Variants in RNLS observed in about 807,000 individuals in gnomAD.
The protein encoded by RNLS is renalase.
Under a neutral mutation model 39.8 loss-of-function variants are expected in RNLS, and 39 were observed. The ratio of observed to expected loss-of-function variants is 0.98; its 90% CI spans 0.76 to 1.28. RNLS has a LOEUF of 1.28. Among genes scored for constraint, RNLS ranks in the 50% most tolerant of loss-of-function variants. The probability of loss-of-function intolerance (pLI) is 0.00; values close to 1 mark genes in which losing one functional copy is unlikely to be tolerated. For missense variants in RNLS, 410 were observed against 413.3 expected, an observed-to-expected ratio of 0.99 and a Z score of 0.07; for synonymous variants, 147 against 150.7, an observed-to-expected ratio of 0.98 and a Z score of 0.18.
chr10:88,500,343 T>G (rs1330452350), intron 4 of RNLS, among the ~76,000 whole-genome samples: 2 of 152,142 alleles, frequency 1.3e-5, no homozygotes, highest in Non-Finnish European at 2.9e-5. Flanking sequence ...AAAGATACAA[T>G]TTGTTCCAGC....
chr10:88,391,306 C>G (rs937801091), intron 4 of RNLS, among the ~76,000 whole-genome samples: 2 of 152,152 alleles, frequency 1.3e-5, no homozygotes, highest in Admixed American at 1.3e-4. Flanking sequence ...TGCCTGTAAT[C>G]CCAGCACTTT....
the RNLS span, among the ~76,000 whole-genome samples, chr10:88,212,555 C>T: frequency 1.9e-3 from 292 of 152,228 alleles, 1 homozygote; most frequent in African/African-American, 6.5e-3. Context: ...TCTGTTATGC[C>T]GTAGGCACTA....
chr10:88,403,123 C>A lies in RNLS; in HGVS notation c.527-40398G>T, dbSNP rs190910935. Among the ~76,000 whole-genome samples the A allele has an allele frequency of 1.3e-3, 204 of 151,524 alleles. 1 individual carries two copies. The highest frequency in any genetic ancestry group is 3.6e-3 in the Admixed American group (55 of 15,188). ...TGCAGACCACAGAAACCATACAGGG[C>A]AAAAATAATCCCTGGTTTCTTCAAC... On this transcript the variant is annotated intron_variant, in intron 4 of 6. Coordinates refer to ENST00000331772, the MANE Select transcript of RNLS (RefSeq NM_001031709.3).
At chr10:88,352,382 A>C (rs1086831) in intron 5 of RNLS, among the ~76,000 whole-genome samples, 130,444 of 152,102 alleles carry the variant, frequency 0.86, 56,272 homozygotes, top group African/African-American at 0.95. Flanking sequence ...CCATCAATAC[A>C]TAATTTATTG....
At chr10:88,306,570 A>C (rs186180831) in intron 6 of RNLS, among the ~76,000 whole-genome samples, 336 of 152,336 alleles carry the variant, frequency 2.2e-3, no homozygotes, top group African/African-American at 7.4e-3. Context: ...TATTAACTAG[A>C]AAATATACAA....
intron 4 of RNLS, among the ~76,000 whole-genome samples, chr10:88,393,393 C>A (rs1480221582): frequency 1.3e-5 from 2 of 151,898 alleles, no homozygotes; most frequent in Non-Finnish European, 2.9e-5. Flanking sequence ...TCTTATACAC[C>A]AATAACAGAC....
rs1267746335 is a variant in RNLS at position 88,492,413 on chromosome 10, TTC to T, written c.526+80488_526+80489del. ...TTATCCACCTGCTTTTTAATTTTTTTTCTTTTTCTTTTTTTTTTTTTTTGAGA... is the reference window on the plus strand; with the variant it reads ...TTATCCACCTGCTTTTTAATTTTTTTTTTTTCTTTTTTTTTTTTTTTGAGA... On this transcript the variant is annotated intron_variant, in intron 4 of 6. Transcript: ENST00000331772. 3.3e-4 allele frequency among the ~76,000 whole-genome samples: 33 copies of T among 98,930 alleles called. 1 individual carries two copies. The highest frequency in any genetic ancestry group is 3.9e-5 in the Non-Finnish European group (2 of 51,222). 64.9% of individuals were successfully genotyped at this position (98,930 alleles called of 152,430 possible). A position where few individuals can be genotyped will look rare whatever the true frequency, so the allele number is the denominator to read the frequency against.
At chr10:88,278,949 G>C (rs922102960) in intron 6 of RNLS, among the ~76,000 whole-genome samples, 1 of 152,216 alleles carries the variant, frequency 6.6e-6, no homozygotes, top group African/African-American at 2.4e-5. Context: ...TGGATCAACA[G>C]ATATTTACTG....
At chr10:88,582,434 G>A (rs1850646851) in intron 1 of RNLS, 127 bp from the exon 2 acceptor site, 3 of 664,606 alleles carry the variant, frequency 4.5e-6, no homozygotes, top group Middle Eastern at 2.7e-4. Context: ...TTAAGTTGAA[G>A]TATTTGATCA....
intron 4 of RNLS, among the ~76,000 whole-genome samples, chr10:88,458,027 C>T (rs1411099088): frequency 6.6e-6 from 1 of 152,194 alleles, no homozygotes; most frequent in African/African-American, 2.4e-5. Flanking sequence ...CACCCTTAAG[C>T]CTGAATGGTA....
chr10:88,476,471 A>C (rs2133998843), intron 4 of RNLS, among the ~76,000 whole-genome samples: 1 of 152,270 alleles, frequency 6.6e-6, no homozygotes, highest in Middle Eastern at 3.4e-3. Flanking sequence ...ATACCCTTTA[A>C]TCTTGATGCA....
intron 4 of RNLS, among the ~76,000 whole-genome samples, chr10:88,467,437 A>T (rs1203355134): frequency 1.3e-5 from 2 of 152,032 alleles, no homozygotes; most frequent in African/African-American, 4.8e-5. Context: ...AAACCAAAAA[A>T]TTTTTAAAAA....
intron 4 of RNLS, among the ~76,000 whole-genome samples, chr10:88,384,494 C>CTTAA: frequency 6.6e-6 from 1 of 152,314 alleles, no homozygotes; most frequent in Middle Eastern, 3.4e-3. Flanking sequence ...TTAAATCATG[C>CTTAA]TTAATTCCCT....
chr10:88,582,533 T>C (rs1850657707), intron 1 of RNLS, among the ~76,000 whole-genome samples: 1 of 152,168 alleles, frequency 6.6e-6, no homozygotes, highest in Admixed American at 6.5e-5. Flanking sequence ...AGTCAGTGAA[T>C]GGATAAAACT....
At chr10:88,175,370 G>A in the RNLS span, among the ~76,000 whole-genome samples, 1 of 151,938 alleles carries the variant, frequency 6.6e-6, no homozygotes, top group Non-Finnish European at 1.5e-5. Flanking sequence ...CTTTTTTGAT[G>A]TAGGCATTTA....
chr10:88,379,541 AT>A (rs2133496674), intron 4 of RNLS, among the ~76,000 whole-genome samples: 2 of 152,256 alleles, frequency 1.3e-5, no homozygotes, highest in African/African-American at 4.8e-5. Flanking sequence ...GTTTCTAGGT[AT>A]TTAATATGCC....
chr10:88,328,459 A>G (rs973094156), intron 5 of RNLS, among the ~76,000 whole-genome samples: 5 of 152,118 alleles, frequency 3.3e-5, no homozygotes, highest in African/African-American at 1.2e-4. Flanking sequence ...TGTGCTTTTT[A>G]AGGGGTATTT....
chr10:88,375,149 T>C (rs1470573352), intron 4 of RNLS, among the ~76,000 whole-genome samples: 1 of 152,106 alleles, frequency 6.6e-6, no homozygotes, highest in South Asian at 2.1e-4. Context: ...TCCCTTTCTC[T>C]TTTATTCCAT....
At chr10:88,396,609 T>C (rs1852571366) in intron 4 of RNLS, among the ~76,000 whole-genome samples, 1 of 150,358 alleles carries the variant, frequency 6.7e-6, no homozygotes, top group African/African-American at 2.4e-5. Flanking sequence ...AGAAAACAAA[T>C]AGCAAAATGG....
Sources: gnomAD v4.1 joint callset for allele counts (sites outside exome capture counted in the v4.1 genomes callset) on GRCh38, gnomAD v4.1.1 for gene constraint, MANE v1.5 for transcripts, NCBI Gene and HGNC (gene_info 2026-07-23, HGNC 2026-07-21) for gene names.